The following THSD7B variants were observed in gnomAD, a reference collection of about 807,000 sequenced individuals.
THSD7B encodes thrombospondin type 1 domain containing 7B, also known as thrombospondin type-1 domain-containing protein 7B.
In THSD7B, 138 loss-of-function variants were observed where a neutral mutation model predicts 213.6. The ratio of observed to expected loss-of-function variants is 0.65; its 90% CI spans 0.56 to 0.74. The LOEUF is 0.74. THSD7B is among the 30% of genes least tolerant of loss of function. THSD7B has a pLI of 0.00. For missense variants in THSD7B, 1,931 were observed against 1,991.5 expected (o/e 0.97, Z 0.58); for synonymous variants, 742 against 687.0 (o/e 1.08, Z -1.25).
intron 12 of THSD7B, among the ~76,000 whole-genome samples, chr2:137,393,344 T>A (rs1377168553): frequency 6.6e-6 from 1 of 151,080 alleles, no homozygotes; most frequent in Non-Finnish European, 1.5e-5. Context: ...CATAGTGTGA[T>A]ATTCCCCTTC....
intron 15 of THSD7B, among the ~76,000 whole-genome samples, chr2:137,495,768 A>G (rs1399842792): frequency 2.0e-5 from 3 of 152,130 alleles, no homozygotes; most frequent in Non-Finnish European, 4.4e-5. Context: ...TTTTCAAAAC[A>G]AGGTAGTTCT....
chr2:137,422,507 G>T (rs1255577883), intron 14 of THSD7B, among the ~76,000 whole-genome samples: 1 of 152,158 alleles, frequency 6.6e-6, no homozygotes, highest in Non-Finnish European at 1.5e-5. Context: ...TGTTGTCCAA[G>T]AAGTCATCTG....
At chr2:137,324,526 A>T (rs1275035874) in intron 12 of THSD7B, among the ~76,000 whole-genome samples, 2 of 152,182 alleles carry the variant, frequency 1.3e-5, no homozygotes, top group South Asian at 2.1e-4. Flanking sequence ...TAACAAAAAA[A>T]AACCTCTGTA....
At chr2:137,619,487 T>TGAAACTGACTGATACAGGGCA (rs1338325928) in intron 19 of THSD7B, among the ~76,000 whole-genome samples, 4 of 152,250 alleles carry the variant, frequency 2.6e-5, no homozygotes, top group Non-Finnish European at 5.9e-5. Flanking sequence ...GGTCAAATTC[T>TGAAACTGACTGATACAGGGCA]GAAACTGACT....
intron 2 of THSD7B, among the ~76,000 whole-genome samples, chr2:136,958,754 T>G (rs1007934210): frequency 2.6e-5 from 4 of 152,184 alleles, no homozygotes; most frequent in Admixed American, 2.6e-4. Context: ...GAGGTTTCAG[T>G]TGATTAGATC....
chr2:137,442,314 C>A (rs1467645092), intron 14 of THSD7B, among the ~76,000 whole-genome samples: 2 of 152,148 alleles, frequency 1.3e-5, no homozygotes, highest in Non-Finnish European at 2.9e-5. Context: ...TCTCAGGACA[C>A]CATATTCGCA....
intron 17 of THSD7B, among the ~76,000 whole-genome samples, chr2:137,576,260 A>C (rs1007499045): frequency 6.6e-6 from 1 of 152,116 alleles, no homozygotes; most frequent in Non-Finnish European, 1.5e-5. Context: ...ATTGGAAGTG[A>C]ATTTCCAAAC....
intron 27 of THSD7B, among the ~76,000 whole-genome samples, chr2:137,675,771 C>A (rs956573477): frequency 4.6e-5 from 7 of 151,862 alleles, no homozygotes; most frequent in Non-Finnish European, 1.0e-4. Context: ...AAAGCAAAGA[C>A]CTTGAGGAGA....
chr2:137,270,048 A>G (rs1199579810), intron 10 of THSD7B, among the ~76,000 whole-genome samples: 2 of 152,192 alleles, frequency 1.3e-5, no homozygotes, highest in Non-Finnish European at 2.9e-5. Context: ...AGAATCCATA[A>G]AGTTGATGGA....
intron 5 of THSD7B, among the ~76,000 whole-genome samples, chr2:137,129,500 C>T (rs112411618): frequency 2.4e-4 from 36 of 151,722 alleles, no homozygotes; most frequent in Non-Finnish European, 3.5e-4. Flanking sequence ...AGTGTGGTGG[C>T]GCCATATCAG....
chr2:136,835,501 A>G (rs1279880627), intron 1 of THSD7B, among the ~76,000 whole-genome samples: 1 of 152,204 alleles, frequency 6.6e-6, no homozygotes, highest in Non-Finnish European at 1.5e-5. Flanking sequence ...AGTTGTGAGG[A>G]GGCTCTGATT....
intron 16 of THSD7B, among the ~76,000 whole-genome samples, chr2:137,567,670 G>A (rs1681266923): frequency 6.6e-6 from 1 of 152,160 alleles, no homozygotes; most frequent in East Asian, 1.9e-4. Flanking sequence ...AAAAAAGGAA[G>A]CCTCAAAAAT....
At chr2:137,184,588 G>A (rs1680516592) in intron 7 of THSD7B, among the ~76,000 whole-genome samples, 2 of 152,066 alleles carry the variant, frequency 1.3e-5, no homozygotes, top group African/African-American at 4.8e-5. Flanking sequence ...ATGCAATCTA[G>A]GGGAATTTTT....
intron 15 of THSD7B, among the ~76,000 whole-genome samples, chr2:137,507,263 A>T (rs1430573044): frequency 6.6e-6 from 1 of 152,202 alleles, no homozygotes; most frequent in Non-Finnish European, 1.5e-5. Context: ...GAGCCACCTT[A>T]ATACAAAGTC....
At chr2:137,074,690 T>C (rs1184275832) in intron 3 of THSD7B, among the ~76,000 whole-genome samples, 1 of 152,216 alleles carries the variant, frequency 6.6e-6, no homozygotes, top group East Asian at 1.9e-4. Flanking sequence ...TTGACGGTCT[T>C]TACAATTTGG....
intron 7 of THSD7B, among the ~76,000 whole-genome samples, chr2:137,211,458 A>C (rs1681110919): frequency 6.6e-6 from 1 of 151,898 alleles, no homozygotes. Context: ...AAAAAATTAA[A>C]CCATCACATT....
intron 12 of THSD7B, among the ~76,000 whole-genome samples, chr2:137,405,182 G>T (rs1307526196): frequency 7.7e-6 from 1 of 129,810 alleles, no homozygotes; most frequent in African/African-American, 2.8e-5. Context: ...ACTTCTGTAA[G>T]TGCCATCTAA....
chr2:137,390,149 C>G (rs956124923), intron 12 of THSD7B, among the ~76,000 whole-genome samples: 2 of 152,100 alleles, frequency 1.3e-5, no homozygotes, highest in Admixed American at 1.3e-4. Flanking sequence ...GTAGTGTGGT[C>G]GTTCTTACAA....
intron 20 of THSD7B, among the ~76,000 whole-genome samples, chr2:137,629,377 A>G (rs1425832524): frequency 1.3e-5 from 2 of 152,226 alleles, no homozygotes; most frequent in Admixed American, 6.5e-5. Flanking sequence ...TTATTCCAAC[A>G]TACCACCTTT....
Sources: gnomAD v4.1 joint callset for allele counts (sites outside exome capture counted in the v4.1 genomes callset) on GRCh38, gnomAD v4.1.1 for gene constraint, MANE v1.5 for transcripts, NCBI Gene and HGNC (gene_info 2026-07-23, HGNC 2026-07-21) for gene names.